STK35: variants seen among roughly 807,000 people sequenced by gnomAD.
STK35 encodes the protein serine/threonine-protein kinase 35.
STK35 carries 17 observed loss-of-function variants against 37.3 expected under a neutral mutation model. That is an observed-to-expected ratio of 0.46 (90% CI 0.31 to 0.68). The LOEUF is 0.68. Ranked by LOEUF, STK35 falls within the 30% of genes least tolerant of loss-of-function variation. The pLI, the probability that STK35 is intolerant of heterozygous loss-of-function variation, is 0.05. For missense variants in STK35, 595 were observed against 746.7 expected (o/e 0.80, Z 2.37); for synonymous variants, 385 against 319.1 (o/e 1.21, Z -2.20).
chr20:2,142,934 G>GCCT (rs1357113188), intron 3 of STK35, among the ~76,000 whole-genome samples: 9 of 152,356 alleles, frequency 5.9e-5, no homozygotes, highest in Admixed American at 5.2e-4. Context: ...ATAAGCCACT[G>GCCT]AAGGGCAGGC....
At chr20:2,111,182 G>A (rs1267685966) in intron 2 of STK35, among the ~76,000 whole-genome samples, 1 of 152,148 alleles carries the variant, frequency 6.6e-6, no homozygotes, top group Non-Finnish European at 1.5e-5. Context: ...TGATAAGTCA[G>A]TCGGCCACTA....
chr20:2,103,025 C>T lies in STK35; in HGVS notation c.552C>T (p.Ala184=). The T allele has an allele frequency of 6.8e-7, 1 of 1,463,200 alleles. No individual in the cohort carries two copies. Among genetic ancestry groups the T allele is most frequent in the Non-Finnish European group, 8.9e-7 (1 of 1,118,838 alleles). The allele number at this position is 1,463,200 out of a possible 1,614,324, so 90.6% of individuals were successfully genotyped here. The part of the protein sequence containing the change: ...DPVAAEAPGE[A]FLARRRPEGG... The stretch of plus-strand genomic sequence containing the variant: ...TGGCGGCCGAGGCCCCGGGCGAGGC[C>T]TTCCTGGCGCGGCGACGGCCTGAGG... The change falls in exon 2 of 4, where the codon GCC becomes GCT. Residue 184 remains alanine (A), a synonymous_variant. Coordinates refer to ENST00000381482, the MANE Select transcript of STK35 (RefSeq NM_080836.4).
intron 2 of STK35, among the ~76,000 whole-genome samples, chr20:2,114,673 CT>C (rs540121393): frequency 1.3e-5 from 2 of 152,152 alleles, no homozygotes; most frequent in African/African-American, 4.8e-5. Context: ...ACTTTGGGTT[CT>C]TTTTTTACCA....
At chr20:2,141,232 G>A (rs777929127) in intron 3 of STK35, among the ~76,000 whole-genome samples, 9 of 152,266 alleles carry the variant, frequency 5.9e-5, no homozygotes, top group Admixed American at 2.6e-4. Flanking sequence ...GAATCATCAG[G>A]GAATATGTTT....
Position 2,147,445 on chromosome 20 carries a change from G to A in STK35, c.*3699G>A, listed in dbSNP as rs1986290632. The A allele has an allele frequency of 6.6e-6, 1 of 152,564 alleles. No individual in the cohort carries two copies. Among genetic ancestry groups the A allele is most frequent in the East Asian group, 1.9e-4 (1 of 5,196 alleles). 9.5% of individuals were successfully genotyped at this position (152,564 alleles called of 1,614,324 possible). On this transcript the variant is annotated 3_prime_UTR_variant, in exon 4 of 4. Coordinates refer to ENST00000381482, the MANE Select transcript of STK35 (RefSeq NM_080836.4). ...TGGGAATTTTCTTTTTATGCTGTTA[G>A]CTGTTTACCTTCTTAGAAGACATCC...
At chr20:2,139,905 C>G (rs967340976) in intron 3 of STK35, among the ~76,000 whole-genome samples, 2 of 152,156 alleles carry the variant, frequency 1.3e-5, no homozygotes, top group Non-Finnish European at 2.9e-5. Context: ...TCACTGACAC[C>G]TTCCACCCCC....
chr20:2,107,957 A>G lies in STK35; in HGVS notation c.892+4592A>G, dbSNP rs562333034. 2.8e-4 allele frequency among the ~76,000 whole-genome samples: 42 copies of G among 152,308 alleles called. No homozygotes were observed. In the South Asian group the frequency reaches 8.3e-3, roughly 30 times the overall value. On this transcript the variant is annotated intron_variant, in intron 2 of 3. Coordinates refer to ENST00000381482, the MANE Select transcript of STK35 (RefSeq NM_080836.4). The stretch of plus-strand genomic sequence containing the variant: ...CCTGTAAATAAGAGCTGAAACTTGC[A>G]GGTTGCTATGTATCAGGTGAAGTCA...
intron 2 of STK35, among the ~76,000 whole-genome samples, chr20:2,113,638 A>C (rs1600603122): frequency 6.6e-6 from 1 of 152,180 alleles, no homozygotes; most frequent in South Asian, 2.1e-4. Context: ...TTTGCCTAAC[A>C]TGTAAAAACT....
rs142360523 is a variant in STK35 at position 2,108,230 on chromosome 20, C to T, written c.892+4865C>T. Among the ~76,000 whole-genome samples, 23 of 152,270 alleles carry T rather than the reference C, an allele frequency of 1.5e-4. No homozygotes were observed. The East Asian group carries it at 4.2e-3, about 28-fold the overall frequency. On this transcript the variant is annotated intron_variant, in intron 2 of 3. Coordinates refer to ENST00000381482, the MANE Select transcript of STK35 (RefSeq NM_080836.4). ...TTACTCAGAAACTAATGGCTCAGGC[C>T]GTGTGCGGTGGCTCACACCTGTAAT...
At chr20:2,139,220 C>T (rs970588659) in intron 3 of STK35, among the ~76,000 whole-genome samples, 6 of 152,174 alleles carry the variant, frequency 3.9e-5, no homozygotes, top group Non-Finnish European at 8.8e-5. Context: ...TCCCAGGCTT[C>T]TGTTCTCCAA....
At chr20:2,133,190 G>A (rs1177813707) in intron 3 of STK35, among the ~76,000 whole-genome samples, 1 of 152,030 alleles carries the variant, frequency 6.6e-6, no homozygotes, top group African/African-American at 2.4e-5. Context: ...GACCTTCTTG[G>A]CATCTTTCTT....
In STK35 at chr20:2,144,122, A is replaced by G; in HGVS notation, c.*376A>G. The G allele has an allele frequency of 3.2e-6, 1 of 309,368 alleles. No individual in the cohort carries two copies. Among genetic ancestry groups the G allele is most frequent in the Non-Finnish European group, 6.2e-6 (1 of 161,776 alleles). 19.2% of individuals were successfully genotyped at this position (309,368 alleles called of 1,614,324 possible). ...ACTTTTTATAAGGGGTTAGGGAGCT[A>G]TTTTTGGTTTTGTCCTTCACTTTCC... On this transcript the variant is annotated 3_prime_UTR_variant, in exon 4 of 4. Transcript: ENST00000381482.
intron 3 of STK35, among the ~76,000 whole-genome samples, chr20:2,142,616 C>T (rs1189809677): frequency 1.3e-5 from 2 of 152,146 alleles, no homozygotes; most frequent in Admixed American, 6.5e-5. Flanking sequence ...ATTAGCCTGG[C>T]GTGGTGGCAT....
rs1434285176 is a variant in STK35 at position 2,102,633 on chromosome 20, G to C, written c.295-135G>C. On this transcript the variant is annotated intron_variant, in intron 1 of 3. Coordinates refer to ENST00000381482, the MANE Select transcript of STK35 (RefSeq NM_080836.4). ...TTCCCGCTTTCCCCTCCCCTCCCCC[G>C]TTCAATCAGCGGCGGTGGCTTCCGT... 5.1e-6 allele frequency: 4 copies of C among 783,490 alleles called. No homozygotes were observed. In the East Asian group the frequency reaches 1.4e-4, roughly 26 times the overall value. The allele number at this position is 783,490 out of a possible 1,614,324, so 48.5% of individuals were successfully genotyped here.
chr20:2,102,896 C>T lies in STK35; in HGVS notation c.423C>T (p.Ala141=), dbSNP rs1175351253. 6.4e-7 allele frequency: 1 copy of T among 1,566,206 alleles called. No individual in the cohort carries two copies. Among genetic ancestry groups the T allele is most frequent in the Non-Finnish European group, 8.6e-7 (1 of 1,164,390 alleles). ...PAAMETGKDG[A]RRGTQSPERK... ...CCATGGAAACGGGGAAGGACGGCGCCCGCAGAGGTACACAAAGCCCGGAGC... is the reference window on the plus strand; with the variant it reads ...CCATGGAAACGGGGAAGGACGGCGCTCGCAGAGGTACACAAAGCCCGGAGC... Residue 141 remains alanine (A), a synonymous_variant, in exon 2 of 4, where the codon GCC becomes GCT. Transcript: ENST00000381482.
rs773136548 is a variant in STK35 at position 2,143,808 on chromosome 20, T to G, written c.*62T>G. 1 of 407,034 alleles carries G rather than the reference T, an allele frequency of 2.5e-6. No individual in the cohort carries two copies. The highest frequency in any genetic ancestry group is 4.7e-6 in the Non-Finnish European group (1 of 211,114). The allele number at this position is 407,034 out of a possible 1,614,324, so 25.2% of individuals were successfully genotyped here. A position where few individuals can be genotyped will look rare whatever the true frequency, so the allele number is the denominator to read the frequency against. ...GGTCGATTCCTCGGGACCCACAGTC[T>G]CACCACGTCTCCTCCAGAGGACGGC... On this transcript the variant is annotated 3_prime_UTR_variant, in exon 4 of 4. Transcript: ENST00000381482.
In STK35 at chr20:2,117,460, G is replaced by C; in HGVS notation, c.*37+45G>C. On this transcript the variant is annotated intron_variant, in intron 3 of 3. Coordinates refer to ENST00000381482, the MANE Select transcript of STK35 (RefSeq NM_080836.4). This position sits in a 1 kb window ranked among gnomAD's most constrained non-coding sequence, Gnocchi z 4.4. ...GTTTTTTGTTTTTTGTTTTGAGACA[G>C]GGTCTCACTCTGTTGGTCAGGCTGG... The C allele has an allele frequency of 9.5e-6, 11 of 1,162,614 alleles. No individual in the cohort carries two copies. The highest frequency in any genetic ancestry group is 1.5e-5 in the South Asian group (1 of 65,064). The allele number at this position is 1,162,614 out of a possible 1,614,324, so 72.0% of individuals were successfully genotyped here.
At chr20:2,115,274 A>AG (rs200561821) in intron 2 of STK35, among the ~76,000 whole-genome samples, 1,610 of 152,216 alleles carry the variant, frequency 0.011, 23 homozygotes, top group African/African-American at 0.034. Flanking sequence ...TGGTAATTTC[A>AG]GGCTGTTGGG....
At chr20:2,134,651 G>T (rs777613658) in intron 3 of STK35, among the ~76,000 whole-genome samples, 1 of 152,124 alleles carries the variant, frequency 6.6e-6, no homozygotes, top group African/African-American at 2.4e-5. Context: ...AGCACTTTGG[G>T]AGGCCGAGGC....
Sources: gnomAD v4.1 joint callset for allele counts (sites outside exome capture counted in the v4.1 genomes callset) on GRCh38, gnomAD v4.1.1 for gene constraint, Gnocchi (gnomAD v3.1) non-coding constraint, MANE v1.5 for transcripts, NCBI Gene and HGNC (gene_info 2026-07-23, HGNC 2026-07-21) for gene names.